Variants in CORO2A observed in about 807,000 individuals in gnomAD.
CORO2A encodes coronin 2A.
A neutral mutation model predicts 62.4 loss-of-function variants in CORO2A; 47 were observed. The ratio of observed to expected loss-of-function variants is 0.75; its 90% CI spans 0.60 to 0.96. CORO2A has a LOEUF of 0.96. Among genes scored for constraint, CORO2A ranks in the 40% least tolerant of loss-of-function variants. The pLI is 0.00. For synonymous variants in CORO2A, 273 were observed against 268.9 expected (o/e 1.02, Z -0.15); for missense variants, 610 against 684.1 (o/e 0.89, Z 1.21).
At position 98,134,880 on chromosome 9, in the gene CORO2A, C is replaced by T. The variant is rs2231660; in HGVS notation, c.394G>A (p.Ala132Thr). 2.6e-4 allele frequency: 418 copies of T among 1,614,164 alleles called. No homozygotes were observed. Among genetic ancestry groups the T allele is most frequent in the Middle Eastern group, 9.9e-4 (6 of 6,062 alleles). The change falls in exon 4 of 12, where the codon GCG becomes ACG. Residue 132 changes from alanine (A) to threonine (T), a missense_variant. Physicochemically the swap from Ala to Thr is moderately conservative, Grantham distance 58 (BLOSUM62 0). Coordinates refer to ENST00000375077, the MANE Select transcript of CORO2A (RefSeq NM_052820.4). The part of the protein sequence containing the change: ...TAYRKELVGH[A>T]RRVGLVEWHP... ...CACTCCACCAGGCCTACTCTGCGCG[C>T]GTGGCCCACGAGTTCCTTCCTGTAG...
At chr9:98,157,213 A>G (rs1278753939) in intron 2 of CORO2A, among the ~76,000 whole-genome samples, 1 of 152,254 alleles carries the variant, frequency 6.6e-6, no homozygotes, top group African/African-American at 2.4e-5. Flanking sequence ...ATAAATTCGC[A>G]GAATTATATT....
intron 9 of CORO2A, 76 bp from the exon 10 acceptor site, chr9:98,128,336 G>T: frequency 8.4e-7 from 1 of 1,197,286 alleles, no homozygotes; most frequent in Non-Finnish European, 1.2e-6. Flanking sequence ...AGACCTGGGA[G>T]TCCAGGCTCT....
At chr9:98,161,106 C>T (rs1827879404) in intron 1 of CORO2A, among the ~76,000 whole-genome samples, 1 of 152,186 alleles carries the variant, frequency 6.6e-6, no homozygotes, top group African/African-American at 2.4e-5. Flanking sequence ...TGGAGGACAG[C>T]GACCCATCCT....
rs191937195 is a variant in CORO2A, at chr9:98,159,686, G to A, written c.1-2026C>T. Among the ~76,000 whole-genome samples the A allele has an allele frequency of 4.5e-4, 68 of 151,864 alleles. 1 individual carries two copies. In the East Asian group the frequency reaches 9.5e-3, roughly 21 times the overall value. ...TGATATCCCAAGTAGCAGAGATCTC[G>A]CTCTCCTCTGTTCCCTGACAGCCAC... On this transcript the variant is annotated intron_variant, in intron 1 of 11. Coordinates refer to ENST00000375077, the MANE Select transcript of CORO2A (RefSeq NM_052820.4).
Position 98,132,930 on chromosome 9 carries a change from C to T in CORO2A, c.648+108G>A, listed in dbSNP as rs1399255460. On this transcript the variant is annotated intron_variant, in intron 5 of 11. Coordinates refer to ENST00000375077, the MANE Select transcript of CORO2A (RefSeq NM_052820.4). ...GACAGGGATGCTGCCTGTGAAGGCG[C>T]AGCCCAGACGCTGACAGCATCACTG... 1.1e-4 allele frequency: 141 copies of T among 1,289,974 alleles called. 1 individual carries two copies. The East Asian group carries it at 3.2e-3, about 30-fold the overall frequency. 79.9% of individuals were successfully genotyped at this position (1,289,974 alleles called of 1,614,324 possible). A position where few individuals can be genotyped will look rare whatever the true frequency, so the allele number is the denominator to read the frequency against.
intron 5 of CORO2A, 126 bp downstream of exon 5, chr9:98,132,912 A>G: frequency 9.5e-7 from 1 of 1,051,940 alleles, no homozygotes; most frequent in Non-Finnish European, 1.4e-6. Context: ...ACAGACAGGG[A>G]TGCTGCCTGT....
chr9:98,182,200 C>T (rs1588016222), intron 1 of CORO2A, among the ~76,000 whole-genome samples: 2 of 152,306 alleles, frequency 1.3e-5, no homozygotes, highest in Admixed American at 1.3e-4. Context: ...GCTTTACATA[C>T]AGAAAGTAAT....
chr9:98,155,065 G>C (rs1289205600), intron 2 of CORO2A, among the ~76,000 whole-genome samples: 1 of 152,114 alleles, frequency 6.6e-6, no homozygotes, highest in East Asian at 1.9e-4. Flanking sequence ...ACACAACTCT[G>C]TATACTTGCT....
chr9:98,186,064 T>G (rs1326732876), intron 1 of CORO2A, among the ~76,000 whole-genome samples: 1 of 152,232 alleles, frequency 6.6e-6, no homozygotes, highest in Non-Finnish European at 1.5e-5. Flanking sequence ...GGCAGGGTCA[T>G]GCCATTTGCC....
intron 1 of CORO2A, among the ~76,000 whole-genome samples, chr9:98,180,484 G>A (rs1475838826): frequency 3.3e-5 from 5 of 152,058 alleles, no homozygotes; most frequent in Non-Finnish European, 4.4e-5. Flanking sequence ...ACCATACAAG[G>A]AGAGTCACTT....
chr9:98,154,333 A>ATATATATATATG (rs1827772361), intron 2 of CORO2A, among the ~76,000 whole-genome samples: 1 of 107,626 alleles, frequency 9.3e-6, no homozygotes, highest in African/African-American at 4.1e-5. Context: ...TTGTGTGTAT[A>ATATATATATATG]TATATATATA....
intron 11 of CORO2A, among the ~76,000 whole-genome samples, chr9:98,126,184 C>T (rs533045048): frequency 3.9e-5 from 6 of 151,982 alleles, no homozygotes; most frequent in East Asian, 3.9e-4. Flanking sequence ...TACAGGTGTA[C>T]GCCACCACAC....
chr9:98,157,527 G>C lies in CORO2A; in HGVS notation c.134C>G (p.Pro45Arg), dbSNP rs1827820810. ...CTCAGTCACAACTGCAATGAAGTGG[G>C]GGTTCACGGCACAGAAGTGGTTGTC... ...VHDNHFCAVN[P>R]HFIAVVTECA... The change falls in exon 2 of 12, where the codon CCC (proline) becomes CGC (arginine). Residue 45 changes from proline to arginine, a missense_variant. Coordinates refer to ENST00000375077, the MANE Select transcript of CORO2A (RefSeq NM_052820.4). The C allele has an allele frequency of 1.9e-6, 3 of 1,614,206 alleles. No individual in the cohort carries two copies. Among genetic ancestry groups the C allele is most frequent in the South Asian group, 1.1e-5 (1 of 91,082 alleles).
At chr9:98,178,346 T>C (rs1828135390) in intron 1 of CORO2A, among the ~76,000 whole-genome samples, 1 of 152,216 alleles carries the variant, frequency 6.6e-6, no homozygotes, top group Non-Finnish European at 1.5e-5. Flanking sequence ...ACCTCTTCCA[T>C]TCCCTTGTCT....
At chr9:98,127,336 C>T (rs578187651) in intron 10 of CORO2A, among the ~76,000 whole-genome samples, 2 of 152,274 alleles carry the variant, frequency 1.3e-5, no homozygotes, top group Non-Finnish European at 2.9e-5. Context: ...GAGGCCCGCT[C>T]AGCCACTGGG....
chr9:98,192,252 G>A (rs1163185252), intron 1 of CORO2A, among the ~76,000 whole-genome samples: 4 of 152,240 alleles, frequency 2.6e-5, no homozygotes, highest in Admixed American at 2.6e-4. Context: ...CAGGAGGGGT[G>A]GGCGGTGCAG....
rs957426024 is a variant in CORO2A at position 98,133,057 on chromosome 9, C to G, written c.629G>C (p.Arg210Pro). The change falls in exon 5 of 12, where the codon CGA becomes CCA. Residue 210 changes from arginine (R) to proline (P), a missense_variant. Coordinates refer to ENST00000375077, the MANE Select transcript of CORO2A (RefSeq NM_052820.4). ...KDRKIRVIDP[R>P]AGTVLQEASY... ...ACTGACCTGGAGGACGGTCCCTGCT[C>G]GGGGGTCAATAACCCGAATCTTGCG... 7 of 1,614,078 alleles carry G rather than the reference C, an allele frequency of 4.3e-6. No individual in the cohort carries two copies. Among genetic ancestry groups the G allele is most frequent in the Middle Eastern group, 1.6e-4 (1 of 6,084 alleles).
chr9:98,152,157 A>C, intron 2 of CORO2A, among the ~76,000 whole-genome samples: 2 of 145,152 alleles, frequency 1.4e-5, no homozygotes, highest in African/African-American at 2.5e-5. Context: ...TTTAAGGGAC[A>C]TTTTTATTGC....
intron 3 of CORO2A, among the ~76,000 whole-genome samples, chr9:98,136,329 C>T (rs554052706): frequency 7.2e-5 from 11 of 152,362 alleles, no homozygotes; most frequent in African/African-American, 2.4e-4. Flanking sequence ...AGACACTGTC[C>T]TTTACGTTCC....
Sources: allele counts gnomAD v4.1 joint callset (sites outside exome capture counted in the v4.1 genomes callset), GRCh38; gene constraint gnomAD v4.1.1; transcripts MANE v1.5; gene names NCBI Gene and HGNC (gene_info 2026-07-23, HGNC 2026-07-21).